PCDHGA6: variants seen among roughly 807,000 people sequenced by gnomAD.
The protein encoded by PCDHGA6 is protocadherin gamma-A6.
PCDHGA6 carries 41 observed loss-of-function variants against 60.6 expected under a neutral mutation model. The observed-to-expected ratio is 0.68, with a 90% CI of 0.53 to 0.88. The LOEUF is 0.88. Ranked by LOEUF, PCDHGA6 falls within the 40% of genes least tolerant of loss-of-function variation. The probability of loss-of-function intolerance (pLI) is 0.00; values close to 1 mark genes in which losing one functional copy is unlikely to be tolerated. For missense variants in PCDHGA6, 1,312 were observed against 1,203.0 expected (o/e 1.09, Z -1.34); for synonymous variants, 594 against 524.4 (o/e 1.13, Z -1.81).
At chr5:141,390,230 A>T (rs2092091822) in intron 1 of PCDHGA6, 1 of 1,614,072 alleles carries the variant, frequency 6.2e-7, no homozygotes, top group Admixed American at 1.7e-5. Flanking sequence ...GCGGTGATTC[A>T]TCTGGGGCCT....
At chr5:141,399,700 G>T (rs1354039219) in intron 1 of PCDHGA6, 1 of 1,613,422 alleles carries the variant, frequency 6.2e-7, no homozygotes. Flanking sequence ...GCGCACCTTC[G>T]AACTCACACT....
Position 141,490,282 on chromosome 5 carries a change from C to T in PCDHGA6, c.2425-4525C>T, listed in dbSNP as rs763429413. 1.2e-6 allele frequency: 2 copies of T among 1,614,194 alleles called. No individual in the cohort carries two copies. The highest frequency in any genetic ancestry group is 1.7e-6 in the Non-Finnish European group (2 of 1,180,036). ...TGTGGGGGATGTCAATGACAATGCC[C>T]CAGAGGTGCTATTGGCCTCTTTGGC... On this transcript the variant is annotated intron_variant, in intron 1 of 3. Transcript: ENST00000517434. This position sits in a 1 kb window ranked among gnomAD's most constrained non-coding sequence, Gnocchi z 5.4.
intron 1 of PCDHGA6, chr5:141,426,745 A>G (rs866203428): frequency 6.2e-5 from 28 of 454,130 alleles, no homozygotes; most frequent in Middle Eastern, 6.5e-4. Context: ...TTTGGCCTGG[A>G]ATCTGCTATA....
rs569451436 is a variant in PCDHGA6, at chr5:141,389,774, A to G, written c.2424+13267A>G. The G allele has an allele frequency of 2.5e-6, 4 of 1,613,170 alleles. No individual in the cohort carries two copies. The African/African-American group carries it at 5.3e-5, about 21-fold the overall frequency. On this transcript the variant is annotated intron_variant, in intron 1 of 3. Transcript: ENST00000517434. ...GCGAAGTGCGCACAGCGCGTGCCTTAGGCGACAGGGACGCCGTCCGCCAGC... is the reference window on the plus strand; with the variant it reads ...GCGAAGTGCGCACAGCGCGTGCCTTGGGCGACAGGGACGCCGTCCGCCAGC...
At chr5:141,377,473 G>A (rs1467921393) in intron 1 of PCDHGA6, 2 of 152,044 alleles carry the variant, frequency 1.3e-5, no homozygotes, top group Admixed American at 1.3e-4. Flanking sequence ...GCGTACACCT[G>A]TAGTCCCAGC....
chr5:141,469,704 C>T (rs1038504640), intron 1 of PCDHGA6, among the ~76,000 whole-genome samples: 9 of 152,340 alleles, frequency 5.9e-5, no homozygotes, highest in African/African-American at 1.9e-4. Flanking sequence ...ACCTAGTAAT[C>T]ACACTATTAG....
At chr5:141,447,696 G>A (rs1273958794) in intron 1 of PCDHGA6, among the ~76,000 whole-genome samples, 1 of 152,096 alleles carries the variant, frequency 6.6e-6, no homozygotes, top group Non-Finnish European at 1.5e-5. Context: ...TAGAGGGATG[G>A]GTTATAAGGA....
chr5:141,383,788 C>T (rs1375292315), intron 1 of PCDHGA6: 2 of 1,613,944 alleles, frequency 1.2e-6, no homozygotes, highest in Non-Finnish European at 1.7e-6. Context: ...TCTGAACTCG[C>T]TTACAGGAGA....
At chr5:141,461,981 G>A (rs755173695) in intron 1 of PCDHGA6, among the ~76,000 whole-genome samples, 4 of 152,078 alleles carry the variant, frequency 2.6e-5, no homozygotes, top group Non-Finnish European at 5.9e-5. Context: ...ATGCCACCAC[G>A]CCAGGCTAAT....
At chr5:141,390,538 C>T (rs1371210436) in intron 1 of PCDHGA6, 1 of 518,192 alleles carries the variant, frequency 1.9e-6, no homozygotes, top group Non-Finnish European at 3.4e-6. Context: ...GTTTTAACCA[C>T]AAAGTGAAAG....
chr5:141,425,248 G>T (rs954872490), intron 1 of PCDHGA6, among the ~76,000 whole-genome samples: 2 of 152,178 alleles, frequency 1.3e-5, no homozygotes, highest in Admixed American at 1.3e-4. Context: ...AAAAGGATAT[G>T]AGGTATTTGG....
intron 1 of PCDHGA6, chr5:141,389,665 C>A (rs1258802999): frequency 6.2e-7 from 1 of 1,612,414 alleles, no homozygotes; most frequent in East Asian, 2.2e-5. Context: ...GCGGTGGACG[C>A]AGACTCAGGA....
chr5:141,418,980 A>T, intron 1 of PCDHGA6: 1 of 1,614,004 alleles, frequency 6.2e-7, no homozygotes. Flanking sequence ...ACACGGGACC[A>T]AGACTCAGGG....
rs747917835 is a variant in PCDHGA6 at position 141,487,659 on chromosome 5, AT to A, written c.2425-7147del. 3.7e-6 allele frequency: 6 copies of A among 1,613,466 alleles called. No homozygotes were observed. Among genetic ancestry groups the A allele is most frequent in the Non-Finnish European group, 5.1e-6 (6 of 1,179,716 alleles). On this transcript the variant is annotated intron_variant, in intron 1 of 3. Coordinates refer to ENST00000517434, the MANE Select transcript of PCDHGA6 (RefSeq NM_018919.3). This position sits in a 1 kb window ranked among gnomAD's most constrained non-coding sequence, Gnocchi z 5.0. ...CAACAAATGCTTGAGGGTTATTCTGATCCAGGCATATGGCTAGGCCATGTCC... is the reference window on the plus strand; with the variant it reads ...CAACAAATGCTTGAGGGTTATTCTGACCAGGCATATGGCTAGGCCATGTCC...
At chr5:141,484,891 C>T in intron 1 of PCDHGA6, 1 of 361,788 alleles carries the variant, frequency 2.8e-6, no homozygotes, top group Non-Finnish European at 5.0e-6. Context: ...GGGCTTTTTC[C>T]CCTCCAATGC....
Position 141,376,221 on chromosome 5 carries a change from C to G in PCDHGA6, c.2138C>G (p.Ala713Gly). Residue 713 changes from alanine to glycine, a missense_variant, in exon 1 of 4, where the codon GCG (alanine) becomes GGG (glycine). Transcript: ENST00000517434. The part of the protein sequence containing the change: ...VFLAFVIVLL[A>G]LRLQRWHKSR... ...CTGGCCTTCGTCATCGTGCTGCTGGCGCTCAGACTGCAGCGCTGGCACAAG... is the reference window on the plus strand; with the variant it reads ...CTGGCCTTCGTCATCGTGCTGCTGGGGCTCAGACTGCAGCGCTGGCACAAG... 2.5e-6 allele frequency: 4 copies of G among 1,614,216 alleles called. No individual in the cohort carries two copies. The highest frequency in any genetic ancestry group is 3.4e-6 in the Non-Finnish European group (4 of 1,180,044).
chr5:141,484,716 G>C (rs1375103858), intron 1 of PCDHGA6, among the ~76,000 whole-genome samples: 1 of 152,030 alleles, frequency 6.6e-6, no homozygotes, highest in African/African-American at 2.4e-5. Context: ...CGCCGAAAAG[G>C]GGCGGGGTCA....
In PCDHGA6 at chr5:141,373,898, A is replaced by T. The variant is rs1039826496; in HGVS notation, c.-186A>T. ...GAAAATCAACGGAAACTCAAGTTAC[A>T]TCCTCCAACAACAAAGCAAATTAGA... On this transcript the variant is annotated 5_prime_UTR_variant, in exon 1 of 4. Transcript: ENST00000517434. The T allele has an allele frequency of 1.8e-6, 1 of 541,044 alleles. No homozygotes were observed. The highest frequency in any genetic ancestry group is 3.1e-6 in the Non-Finnish European group (1 of 325,466). The allele number at this position is 541,044 out of a possible 1,614,324, so 33.5% of individuals were successfully genotyped here. A position where few individuals can be genotyped will look rare whatever the true frequency, so the allele number is the denominator to read the frequency against.
intron 1 of PCDHGA6, chr5:141,399,995 G>T (rs1042095164): frequency 1.9e-6 from 3 of 1,612,094 alleles, no homozygotes; most frequent in Non-Finnish European, 2.5e-6. Context: ...GGAGAGGTGC[G>T]CACAGCGCGT....
Sources: allele counts gnomAD v4.1 joint callset (sites outside exome capture counted in the v4.1 genomes callset), GRCh38; gene constraint gnomAD v4.1.1; non-coding constraint Gnocchi (gnomAD v3.1); transcripts MANE v1.5; gene names NCBI Gene and HGNC (gene_info 2026-07-23, HGNC 2026-07-21).